The following PRH1 variants were observed in gnomAD, a reference collection of about 807,000 sequenced individuals.
The protein encoded by PRH1 is salivary acidic proline-rich phosphoprotein 1/2.
In PRH1, 7 loss-of-function variants were observed where a neutral mutation model predicts 7.9. That is an observed-to-expected ratio of 0.89 (90% CI 0.50 to 1.67). PRH1 has a LOEUF of 1.67. Ranked by LOEUF, PRH1 falls within the 40% of genes most tolerant of loss-of-function variation. PRH1 has a pLI of 0.00. For synonymous variants in PRH1, 45 were observed against 80.8 expected, an observed-to-expected ratio of 0.56 and a Z score of 2.38; for missense variants, 109 against 223.6, an observed-to-expected ratio of 0.49 and a Z score of 3.27.
intron 2 of PRH1, among the ~76,000 whole-genome samples, chr12:10,950,317 T>C (rs1950551092): frequency 6.6e-6 from 1 of 152,130 alleles, no homozygotes; most frequent in South Asian, 2.1e-4. Flanking sequence ...ATTCTTTCAA[T>C]TGATAATCCT....
At chr12:10,929,362 T>C (rs1950169181) in intron 2 of PRH1, 1 of 1,613,984 alleles carries the variant, frequency 6.2e-7, no homozygotes, top group Non-Finnish European at 8.5e-7. Flanking sequence ...GGGAAGATAT[T>C]GTGACTCTGA....
At chr12:10,935,783 C>A (rs565334737) in intron 2 of PRH1, among the ~76,000 whole-genome samples, 1 of 152,264 alleles carries the variant, frequency 6.6e-6, no homozygotes. Flanking sequence ...GAGCAATAAA[C>A]TACATCAGCA....
At chr12:11,102,806 AT>A (rs1236296774) in intron 1 of PRH1, among the ~76,000 whole-genome samples, 1 of 152,230 alleles carries the variant, frequency 6.6e-6, no homozygotes, top group African/African-American at 2.4e-5. Flanking sequence ...CAAAGGGCTA[AT>A]ATCCAGAATC....
chr12:10,936,479 A>G (rs893945985), intron 2 of PRH1, among the ~76,000 whole-genome samples: 2 of 152,096 alleles, frequency 1.3e-5, no homozygotes, highest in African/African-American at 4.8e-5. Context: ...TGTGATACTC[A>G]TCACATGTGA....
At chr12:11,018,255 A>G (rs896781382) in intron 1 of PRH1, among the ~76,000 whole-genome samples, 1 of 152,224 alleles carries the variant, frequency 6.6e-6, no homozygotes, top group African/African-American at 2.4e-5. Flanking sequence ...CTGTCTGAAA[A>G]ATAAAAATGC....
In PRH1 at chr12:11,093,876, C is replaced by T. The variant is rs1288408376; in HGVS notation, n.124-46688G>A. On this transcript the variant is annotated intron_variant and non_coding_transcript_variant, in intron 1 of 4. Transcript: ENST00000541977. ...CTCTTTCCATTTACCATGAGAATAT[C>T]GCCTGGCTAGTACACTGTTCCCAGA... Among the ~76,000 whole-genome samples the T allele has an allele frequency of 2.6e-5, 3 of 114,128 alleles. 1 individual carries two copies. The highest frequency in any genetic ancestry group is 8.9e-5 in the African/African-American group (3 of 33,864). 74.9% of individuals were successfully genotyped at this position (114,128 alleles called of 152,430 possible).
At chr12:10,977,816 A>G (rs962430359) in intron 1 of PRH1, among the ~76,000 whole-genome samples, 3 of 152,164 alleles carry the variant, frequency 2.0e-5, no homozygotes, top group African/African-American at 7.2e-5. Context: ...AATAGCAGCA[A>G]AGGAATACAA....
chr12:11,147,811 C>A (rs1946913754), intron 1 of PRH1, among the ~76,000 whole-genome samples: 1 of 151,796 alleles, frequency 6.6e-6, no homozygotes, highest in South Asian at 2.1e-4. Context: ...AGTAGTTTTC[C>A]AATTCTGTGA....
At chr12:11,069,485 G>C (rs1295932925) in intron 1 of PRH1, among the ~76,000 whole-genome samples, 1 of 101,612 alleles carries the variant, frequency 9.8e-6, no homozygotes, top group East Asian at 2.3e-4. Context: ...AAAGGAGAAT[G>C]AGAAGTGGAG....
chr12:11,113,666 A>C (rs1281251175), intron 1 of PRH1, among the ~76,000 whole-genome samples: 1 of 152,242 alleles, frequency 6.6e-6, no homozygotes, highest in East Asian at 1.9e-4. Flanking sequence ...CAAAGACTTC[A>C]TGACTGAAAC....
intron 2 of PRH1, among the ~76,000 whole-genome samples, chr12:10,940,348 G>A (rs1460748860): frequency 6.6e-6 from 1 of 152,104 alleles, no homozygotes; most frequent in Non-Finnish European, 1.5e-5. Flanking sequence ...TACTGTGATA[G>A]TTTTAAACAC....
chr12:10,979,091 G>A (rs1057094385), intron 1 of PRH1, among the ~76,000 whole-genome samples: 3 of 150,714 alleles, frequency 2.0e-5, no homozygotes, highest in African/African-American at 5.0e-5. Context: ...CAGACACCAG[G>A]GCCCACTTGA....
intron 2 of PRH1, among the ~76,000 whole-genome samples, chr12:10,923,064 A>G (rs1197143302): frequency 3.4e-5 from 5 of 148,020 alleles, no homozygotes; most frequent in Non-Finnish European, 7.4e-5. Context: ...TCCTGACCTC[A>G]TGATCCACCC....
upstream of PRH1, among the ~76,000 whole-genome samples, chr12:11,049,736 T>G (rs1452444325): frequency 6.6e-6 from 1 of 152,234 alleles, no homozygotes; most frequent in Non-Finnish European, 1.5e-5. Flanking sequence ...AGGAGCTTGG[T>G]CATAACTAGG....
At chr12:10,945,815 A>G (rs1186327030) in intron 2 of PRH1, among the ~76,000 whole-genome samples, 1 of 152,160 alleles carries the variant, frequency 6.6e-6, no homozygotes, top group Non-Finnish European at 1.5e-5. Flanking sequence ...CAAAGCGGCC[A>G]TTTCAGAGGC....
At chr12:10,883,191 C>T (rs2135780145) in intron 1 of PRH1, 95 bp from the exon 2 acceptor site, 3 of 1,367,126 alleles carry the variant, frequency 2.2e-6, no homozygotes, top group Non-Finnish European at 2.1e-6. Flanking sequence ...TGATCACACC[C>T]TGTGCATCCC....
intron 1 of PRH1, among the ~76,000 whole-genome samples, chr12:11,019,796 C>T (rs9330646): frequency 0.17 from 25,854 of 150,912 alleles, no homozygotes; most frequent in East Asian, 0.39. Flanking sequence ...ATAAGTCATA[C>T]TGAAGGAGAA....
At chr12:11,086,297 A>T (rs1944693848) in intron 1 of PRH1, among the ~76,000 whole-genome samples, 1 of 138,190 alleles carries the variant, frequency 7.2e-6, no homozygotes, top group Non-Finnish European at 1.6e-5. Flanking sequence ...TTTAATGAAA[A>T]TATTCAGCAA....
chr12:11,054,968 A>G (rs948803491), intron 1 of PRH1, among the ~76,000 whole-genome samples: 1 of 126,588 alleles, frequency 7.9e-6, no homozygotes, highest in African/African-American at 3.0e-5. Context: ...CCTCACTGCA[A>G]GCTCCATCTC....
Sources: gnomAD v4.1 joint callset for allele counts (sites outside exome capture counted in the v4.1 genomes callset) on GRCh38, gnomAD v4.1.1 for gene constraint, MANE v1.5 for transcripts, NCBI Gene and HGNC (gene_info 2026-07-23, HGNC 2026-07-21) for gene names.